SPMAP2L: variants seen among roughly 807,000 people sequenced by gnomAD.
SPMAP2L encodes the protein sperm microtubule associated protein 2 like.
the SPMAP2L span, chr4:56,548,844 T>C: frequency 6.2e-6 from 9 of 1,453,584 alleles, no homozygotes; most frequent in Middle Eastern, 1.8e-4. Flanking sequence ...GTTATAGTAC[T>C]ATTTTCACAG....
chr4:56,594,008 G>A, the SPMAP2L span: 1 of 1,611,350 alleles, frequency 6.2e-7, no homozygotes. Flanking sequence ...GGAGGTCTTG[G>A]GCAGGGCCGC....
At chr4:56,598,012 G>A in the SPMAP2L span, among the ~76,000 whole-genome samples, 1 of 152,090 alleles carries the variant, frequency 6.6e-6, no homozygotes, top group Admixed American at 6.6e-5. Flanking sequence ...ACAGGCATGT[G>A]CCACCACCCC....
chr4:56,544,462 A>AT, the SPMAP2L span, among the ~76,000 whole-genome samples: 6 of 152,058 alleles, frequency 3.9e-5, no homozygotes, highest in East Asian at 3.9e-4. Context: ...ACTGGAAACT[A>AT]TTTTTTTTAA....
the SPMAP2L span, among the ~76,000 whole-genome samples, chr4:56,598,592 G>A: frequency 7.0e-6 from 1 of 142,528 alleles, no homozygotes; most frequent in Non-Finnish European, 1.5e-5. Flanking sequence ...AAGGCTAAGG[G>A]AAGTTTTTTT....
the SPMAP2L span, chr4:56,552,673 A>G: frequency 4.2e-5 from 39 of 933,324 alleles, 2 homozygotes; most frequent in South Asian, 5.1e-4. Flanking sequence ...TAAAACAGGT[A>G]AGTATTATTT....
the SPMAP2L span, among the ~76,000 whole-genome samples, chr4:56,582,365 T>A: frequency 1.4e-5 from 2 of 146,272 alleles, no homozygotes; most frequent in Non-Finnish European, 2.9e-5. Context: ...AAAAGACAAA[T>A]AACCCAATTT....
the SPMAP2L span, among the ~76,000 whole-genome samples, chr4:56,545,352 C>T: frequency 6.6e-6 from 1 of 152,092 alleles, no homozygotes. Flanking sequence ...ACCTCAAATC[C>T]TTTTAGAAAT....
At chr4:56,565,343 GCT>G in the SPMAP2L span, among the ~76,000 whole-genome samples, 1 of 152,114 alleles carries the variant, frequency 6.6e-6, no homozygotes, top group African/African-American at 2.4e-5. Flanking sequence ...GTACTCTAAA[GCT>G]CTGTTATTAA....
the SPMAP2L span, among the ~76,000 whole-genome samples, chr4:56,608,460 T>C: frequency 6.6e-6 from 1 of 152,042 alleles, no homozygotes; most frequent in Non-Finnish European, 1.5e-5. Flanking sequence ...CCTAAGGTAT[T>C]TTGGAGATCT....
the SPMAP2L span, among the ~76,000 whole-genome samples, chr4:56,549,367 G>C: frequency 1.3e-5 from 2 of 152,016 alleles, no homozygotes; most frequent in Admixed American, 6.6e-5. Context: ...AACCTTTAAG[G>C]GATTTGGGAT....
At chr4:56,610,485 A>G in the SPMAP2L span, among the ~76,000 whole-genome samples, 1 of 152,256 alleles carries the variant, frequency 6.6e-6, no homozygotes, top group African/African-American at 2.4e-5. Context: ...ACCTGACACT[A>G]TAAAAATTAT....
At chr4:56,578,924 A>G in the SPMAP2L span, among the ~76,000 whole-genome samples, 1 of 152,094 alleles carries the variant, frequency 6.6e-6, no homozygotes, top group Non-Finnish European at 1.5e-5. Flanking sequence ...CAAGAAAAAA[A>G]AAAGTAAGAA....
the SPMAP2L span, chr4:56,593,757 C>T: frequency 6.4e-7 from 1 of 1,570,226 alleles, no homozygotes; most frequent in Non-Finnish European, 8.8e-7. Flanking sequence ...GCTCTTCAAA[C>T]CAGGGAGCAA....
chr4:56,586,538 CACAA>C, the SPMAP2L span, among the ~76,000 whole-genome samples: 43 of 152,286 alleles, frequency 2.8e-4, no homozygotes, highest in Non-Finnish European at 5.3e-4. Flanking sequence ...TTCAGAGGGA[CACAA>C]ACAGTCAGTC....
the SPMAP2L span, among the ~76,000 whole-genome samples, chr4:56,605,779 C>T: frequency 3.3e-5 from 5 of 152,124 alleles, no homozygotes; most frequent in Non-Finnish European, 4.4e-5. Flanking sequence ...ACACCAACAA[C>T]GTATGAAGTT....
chr4:56,539,351 C>T, the SPMAP2L span, among the ~76,000 whole-genome samples: 2 of 152,176 alleles, frequency 1.3e-5, no homozygotes, highest in South Asian at 4.1e-4. Context: ...GTAAAATGTA[C>T]TGGAGTATCC....
the SPMAP2L span, among the ~76,000 whole-genome samples, chr4:56,553,442 C>A: frequency 0.017 from 2,627 of 151,266 alleles, 82 homozygotes; most frequent in African/African-American, 0.06. Flanking sequence ...ATCCTCCCAT[C>A]TTGGCCTCCC....
At chr4:56,538,217 G>A in the SPMAP2L span, among the ~76,000 whole-genome samples, 2 of 152,068 alleles carry the variant, frequency 1.3e-5, no homozygotes, top group South Asian at 2.1e-4. Flanking sequence ...CCTATCACTC[G>A]CCCTCATGCT....
At chr4:56,594,155 A>G in the SPMAP2L span, 1 of 1,612,328 alleles carries the variant, frequency 6.2e-7, no homozygotes, top group South Asian at 1.1e-5. Flanking sequence ...GGTTGCTGAA[A>G]GCATGGGAGA....
Sources: allele counts gnomAD v4.1 joint callset (sites outside exome capture counted in the v4.1 genomes callset), GRCh38; gene constraint gnomAD v4.1.1; transcripts MANE v1.5; gene names NCBI Gene and HGNC (gene_info 2026-07-23, HGNC 2026-07-21).